Variants in VPS8 observed in about 807,000 individuals in gnomAD.
VPS8 encodes the protein VPS8 subunit of CORVET complex.
A neutral mutation model predicts 216.4 loss-of-function variants in VPS8; 129 were observed. The observed-to-expected ratio is 0.60, with a 90% CI of 0.52 to 0.69. The LOEUF (loss-of-function observed/expected upper bound fraction) is 0.69. VPS8 is among the 30% of genes least tolerant of loss of function. The pLI is 0.00. For synonymous variants in VPS8, 571 were observed against 565.4 expected, an observed-to-expected ratio of 1.01 and a Z score of -0.14; for missense variants, 1,531 against 1,683.5, an observed-to-expected ratio of 0.91 and a Z score of 1.59.
chr3:184,839,837 G>T, intron 7 of VPS8, 85 bp downstream of exon 7: 1 of 1,479,946 alleles, frequency 6.8e-7, no homozygotes, highest in Non-Finnish European at 8.9e-7. Flanking sequence ...TTTATATAGT[G>T]TACTTGATTT....
chr3:184,838,427 T>TC (rs1721515520), intron 5 of VPS8, among the ~76,000 whole-genome samples: 1 of 152,200 alleles, frequency 6.6e-6, no homozygotes, highest in Admixed American at 6.5e-5. Flanking sequence ...GGAACATCTT[T>TC]CCTCTTTTTC....
chr3:184,839,869 C>G (rs910829861), intron 7 of VPS8, 117 bp downstream of exon 7: 1 of 1,438,800 alleles, frequency 7.0e-7, no homozygotes, highest in African/African-American at 1.5e-5. Context: ...ACCAGAAAAA[C>G]TTGAAAAGTA....
intron 36 of VPS8, 129 bp downstream of exon 36, chr3:184,940,372 G>A: frequency 3.6e-6 from 1 of 278,076 alleles, no homozygotes; most frequent in Non-Finnish European, 6.7e-6. Context: ...ATATTAGTAG[G>A]AGCAACTGTT....
intron 28 of VPS8, chr3:184,918,949 A>G (rs571978177): frequency 6.6e-6 from 1 of 152,350 alleles, no homozygotes; most frequent in South Asian, 2.1e-4. Flanking sequence ...AGCCTTCCAC[A>G]GTAAGAGTTC....
intron 13 of VPS8, 30 bp from the exon 14 acceptor site, chr3:184,855,681 A>G: frequency 6.5e-7 from 1 of 1,530,592 alleles, no homozygotes; most frequent in Non-Finnish European, 9.0e-7. Context: ...ATTAACTGTG[A>G]TGATTTTTTT....
At chr3:184,993,347 GTTTTTTGTT>G (rs1191364353) in intron 42 of VPS8, among the ~76,000 whole-genome samples, 21 of 151,170 alleles carry the variant, frequency 1.4e-4, no homozygotes, top group African/African-American at 4.6e-4. Flanking sequence ...TTTTTGTTTT[GTTTTTTGTT>G]TTTTGGGTTT....
At chr3:184,889,111 A>T (rs1731850850) in intron 22 of VPS8, among the ~76,000 whole-genome samples, 1 of 152,168 alleles carries the variant, frequency 6.6e-6, no homozygotes, top group Non-Finnish European at 1.5e-5. Context: ...TATTTCACCT[A>T]TTGACTGTCT....
intron 46 of VPS8, among the ~76,000 whole-genome samples, chr3:185,034,083 C>G (rs1758541052): frequency 6.6e-6 from 1 of 152,038 alleles, no homozygotes; most frequent in Non-Finnish European, 1.5e-5. Flanking sequence ...CTGTTGTTCC[C>G]GTATTTATCT....
intron 35 of VPS8, among the ~76,000 whole-genome samples, chr3:184,937,363 G>A (rs748339098): frequency 2.0e-5 from 3 of 152,126 alleles, no homozygotes; most frequent in Non-Finnish European, 2.9e-5. Context: ...TGTGCAAGAA[G>A]GAAATCAGAG....
chr3:184,947,481 T>C (rs1207252610), intron 36 of VPS8, among the ~76,000 whole-genome samples: 3 of 151,996 alleles, frequency 2.0e-5, no homozygotes, highest in Non-Finnish European at 4.4e-5. Context: ...AACAGTCTTT[T>C]AGTCCTGAGA....
chr3:185,027,904 G>C (rs955929865), intron 46 of VPS8, among the ~76,000 whole-genome samples: 1 of 152,100 alleles, frequency 6.6e-6, no homozygotes, highest in African/African-American at 2.4e-5. Flanking sequence ...TGCAAAACTT[G>C]GGACTATCTC....
chr3:185,041,401 CTG>C (rs1711588505), intron 46 of VPS8, among the ~76,000 whole-genome samples: 1 of 152,018 alleles, frequency 6.6e-6, no homozygotes, highest in Admixed American at 6.6e-5. Flanking sequence ...TATTATGGGG[CTG>C]TGTGTGAGAC....
At chr3:184,819,034 G>A (rs79370512) in intron 1 of VPS8, among the ~76,000 whole-genome samples, 2,853 of 152,248 alleles carry the variant, frequency 0.019, 100 homozygotes, top group African/African-American at 0.065. Context: ...TTAACTTGGC[G>A]TAATATAGGT....
intron 34 of VPS8, among the ~76,000 whole-genome samples, chr3:184,934,099 T>C (rs1276744987): frequency 2.0e-5 from 3 of 152,204 alleles, no homozygotes; most frequent in Admixed American, 2.0e-4. Flanking sequence ...TAATCCTTTA[T>C]TTAATATCTT....
chr3:184,950,057 G>A (rs1326009876), intron 36 of VPS8, among the ~76,000 whole-genome samples: 4 of 151,356 alleles, frequency 2.6e-5, no homozygotes, highest in Non-Finnish European at 4.4e-5. Context: ...TTACAGGTAC[G>A]CACCACCACG....
chr3:184,923,292 T>A (rs1429303256), intron 29 of VPS8, among the ~76,000 whole-genome samples: 4 of 152,182 alleles, frequency 2.6e-5, no homozygotes, highest in Non-Finnish European at 4.4e-5. Flanking sequence ...TTCTCTCTGT[T>A]AATGGCATCA....
intron 11 of VPS8, among the ~76,000 whole-genome samples, chr3:184,852,949 A>G (rs1724593768): frequency 6.6e-6 from 1 of 152,190 alleles, no homozygotes; most frequent in Non-Finnish European, 1.5e-5. Flanking sequence ...TTTGCTCTTT[A>G]AGAGCAAAGA....
At chr3:184,819,867 A>G (rs1421977873) in intron 1 of VPS8, among the ~76,000 whole-genome samples, 1 of 152,210 alleles carries the variant, frequency 6.6e-6, no homozygotes, top group Non-Finnish European at 1.5e-5. Context: ...TGTTATTTGT[A>G]TTTAGTTACA....
At chr3:184,862,314 G>A (rs1352380475) in intron 15 of VPS8, among the ~76,000 whole-genome samples, 1 of 152,128 alleles carries the variant, frequency 6.6e-6, no homozygotes, top group Non-Finnish European at 1.5e-5. Flanking sequence ...TCCTTCAGAA[G>A]ATTTTTAAAG....
Sources: gnomAD v4.1 joint callset for allele counts (sites outside exome capture counted in the v4.1 genomes callset) on GRCh38, gnomAD v4.1.1 for gene constraint, MANE v1.5 for transcripts, NCBI Gene and HGNC (gene_info 2026-07-23, HGNC 2026-07-21) for gene names.